ME2: variants seen among roughly 807,000 people sequenced by gnomAD.
ME2 encodes malic enzyme 2.
A neutral mutation model predicts 73.7 loss-of-function variants in ME2; 60 were observed. That is an observed-to-expected ratio of 0.81 (90% CI 0.66 to 1.01). The LOEUF (loss-of-function observed/expected upper bound fraction) is 1.01, where lower values mean the gene tolerates loss of function less well. Ranked by LOEUF, ME2 falls within the 50% of genes least tolerant of loss-of-function variation. ME2 has a pLI of 0.00. For missense variants in ME2, 594 were observed against 705.5 expected (o/e 0.84, Z 1.79); for synonymous variants, 199 against 236.9 (o/e 0.84, Z 1.47).
chr18:50,883,160 A>G (rs1042727583), intron 1 of ME2, among the ~76,000 whole-genome samples: 2 of 152,214 alleles, frequency 1.3e-5, no homozygotes, highest in African/African-American at 4.8e-5. Flanking sequence ...AACTAACACC[A>G]ATTCAGAGAT....
intron 5 of ME2, chr18:50,916,458 G>C: frequency 2.4e-6 from 1 of 421,620 alleles, no homozygotes; most frequent in South Asian, 4.8e-5. Context: ...ATTAGAGCTA[G>C]AATACAAGGT....
intron 15 of ME2, among the ~76,000 whole-genome samples, chr18:50,946,279 G>A (rs1287814081): frequency 1.3e-5 from 2 of 152,068 alleles, no homozygotes; most frequent in African/African-American, 4.8e-5. Context: ...GGCTTGGGTG[G>A]AGAATTTGAA....
chr18:50,949,068 G>A lies in ME2; in HGVS notation c.*1884G>A, dbSNP rs928942726. The A allele has an allele frequency of 1.2e-4, 17 of 147,388 alleles. No individual in the cohort carries two copies. The highest frequency in any genetic ancestry group is 4.0e-4 in the African/African-American group (16 of 39,786). 9.1% of individuals were successfully genotyped at this position (147,388 alleles called of 1,614,324 possible). On this transcript the variant is annotated 3_prime_UTR_variant, in exon 16 of 16. Coordinates refer to ENST00000321341, the MANE Select transcript of ME2 (RefSeq NM_002396.5). ...TTGGCCAGGCTGGTCTCAAAATCCT[G>A]ACTTCAGGTGATCCACCCACTTTGG...
At chr18:50,946,062 A>G (rs1010705864) in intron 15 of ME2, among the ~76,000 whole-genome samples, 1 of 152,056 alleles carries the variant, frequency 6.6e-6, no homozygotes, top group Non-Finnish European at 1.5e-5. Flanking sequence ...GCAAGGCTTC[A>G]TCTCAAATAA....
At chr18:50,894,589 G>T (rs1212380427) in intron 1 of ME2, among the ~76,000 whole-genome samples, 1 of 144,842 alleles carries the variant, frequency 6.9e-6, no homozygotes, top group Non-Finnish European at 1.5e-5. Context: ...TCCCTATTTT[G>T]GCCGGGAACG....
intron 1 of ME2, among the ~76,000 whole-genome samples, chr18:50,892,060 A>G (rs1175974301): frequency 6.6e-6 from 1 of 151,906 alleles, no homozygotes; most frequent in African/African-American, 2.4e-5. Flanking sequence ...AACTCAAACA[A>G]TCTGCCTGCC....
At chr18:50,905,985 G>C (rs892871549) in intron 2 of ME2, among the ~76,000 whole-genome samples, 3 of 152,154 alleles carry the variant, frequency 2.0e-5, no homozygotes, top group African/African-American at 7.2e-5. Flanking sequence ...GGAGACCTTA[G>C]AATTTTATTT....
At chr18:50,909,228 T>C (rs1218898133) in intron 3 of ME2, among the ~76,000 whole-genome samples, 3 of 152,170 alleles carry the variant, frequency 2.0e-5, no homozygotes, top group Non-Finnish European at 4.4e-5. Flanking sequence ...CCTCCCAAAG[T>C]GCTGGGATTA....
intron 1 of ME2, among the ~76,000 whole-genome samples, chr18:50,882,057 G>A (rs1916337653): frequency 6.6e-6 from 1 of 152,258 alleles, no homozygotes; most frequent in Non-Finnish European, 1.5e-5. Context: ...AGAGTGCAGT[G>A]GTGCTGTTAT....
chr18:50,916,106 A>T, intron 4 of ME2, 62 bp from the exon 5 acceptor site: 1 of 1,125,890 alleles, frequency 8.9e-7, no homozygotes, highest in Non-Finnish European at 1.3e-6. Context: ...TATTTCAATT[A>T]TGAACAAAAA....
intron 1 of ME2, among the ~76,000 whole-genome samples, chr18:50,886,176 A>AT (rs1916462410): frequency 1.3e-5 from 2 of 151,158 alleles, no homozygotes; most frequent in Non-Finnish European, 3.0e-5. Flanking sequence ...TTAAAAAAAA[A>AT]GGAAAACTTG....
chr18:50,895,744 C>G, intron 1 of ME2, 65 bp from the exon 2 acceptor site: 1 of 975,678 alleles, frequency 1.0e-6, no homozygotes, highest in Non-Finnish European at 1.6e-6. Flanking sequence ...AAAACTGATA[C>G]CCGATGGACA....
chr18:50,888,906 A>T (rs1916543967), intron 1 of ME2, among the ~76,000 whole-genome samples: 1 of 152,200 alleles, frequency 6.6e-6, no homozygotes, highest in African/African-American at 2.4e-5. Context: ...TAATAGATGT[A>T]CATAGTTTCA....
intron 2 of ME2, among the ~76,000 whole-genome samples, chr18:50,903,697 T>C (rs608592): frequency 0.69 from 104,558 of 152,054 alleles, 36,417 homozygotes; most frequent in African/African-American, 0.8. Context: ...AATCTATCCG[T>C]GCTGGCATCC....
chr18:50,945,944 G>A (rs1439711837), intron 15 of ME2, among the ~76,000 whole-genome samples: 2 of 152,106 alleles, frequency 1.3e-5, no homozygotes, highest in Non-Finnish European at 2.9e-5. Context: ...TTGCATGCCT[G>A]TAGTCCCAGC....
intron 3 of ME2, among the ~76,000 whole-genome samples, chr18:50,911,020 A>G (rs1024453290): frequency 2.6e-5 from 4 of 152,238 alleles, no homozygotes; most frequent in Non-Finnish European, 4.4e-5. Flanking sequence ...GGATAAGGGC[A>G]TTCACCATTG....
chr18:50,939,352 GAA>G (rs1187505554), intron 13 of ME2: 2 of 446,884 alleles, frequency 4.5e-6, no homozygotes, highest in East Asian at 7.4e-5. Flanking sequence ...ACTAAACTGA[GAA>G]AAGCCATTTG....
intron 15 of ME2, among the ~76,000 whole-genome samples, chr18:50,941,349 G>GTTTCTTTT (rs1917951651): frequency 9.5e-6 from 1 of 105,320 alleles, no homozygotes; most frequent in Admixed American, 1.1e-4. Flanking sequence ...ATTTGTGATG[G>GTTTCTTTT]TTTCTTTTTT....
At chr18:50,926,640 T>C (rs914619262) in intron 12 of ME2, among the ~76,000 whole-genome samples, 8 of 152,200 alleles carry the variant, frequency 5.3e-5, no homozygotes, top group African/African-American at 1.9e-4. Context: ...TCTAATTATA[T>C]GGTTAGAGAT....
Sources: gnomAD v4.1 joint callset for allele counts (sites outside exome capture counted in the v4.1 genomes callset) on GRCh38, gnomAD v4.1.1 for gene constraint, MANE v1.5 for transcripts, NCBI Gene and HGNC (gene_info 2026-07-23, HGNC 2026-07-21) for gene names.